CBLB: variants seen among roughly 807,000 people sequenced by gnomAD.
The protein encoded by CBLB is Cbl proto-oncogene B.
Under a neutral mutation model 104.9 loss-of-function variants are expected in CBLB, and 31 were observed. The ratio of observed to expected loss-of-function variants is 0.30; its 90% CI spans 0.22 to 0.40. The LOEUF is 0.40. Among genes scored for constraint, CBLB ranks in the 10% least tolerant of loss-of-function variants. The probability of loss-of-function intolerance (pLI) is 1.00; values close to 1 mark genes in which losing one functional copy is unlikely to be tolerated. For synonymous variants in CBLB, 440 were observed against 422.6 expected (o/e 1.04, Z -0.51); for missense variants, 1,062 against 1,214.6 (o/e 0.87, Z 1.87).
At chr3:105,775,624 TACTGGGGAAACC>T (rs2152961682) in intron 4 of CBLB, among the ~76,000 whole-genome samples, 1 of 152,342 alleles carries the variant, frequency 6.6e-6, no homozygotes, top group African/African-American at 2.4e-5. Flanking sequence ...CTTAAAAGGT[TACTGGGGAAACC>T]ACTTGCCTCC....
intron 5 of CBLB, among the ~76,000 whole-genome samples, chr3:105,748,881 C>G (rs1285343806): frequency 6.6e-6 from 1 of 152,174 alleles, no homozygotes; most frequent in Admixed American, 6.5e-5. Context: ...TCTAAGTGTA[C>G]CTTGCTCACC....
At chr3:105,835,281 A>G (rs1197057019) in intron 3 of CBLB, among the ~76,000 whole-genome samples, 2 of 152,198 alleles carry the variant, frequency 1.3e-5, no homozygotes. Context: ...TTTCTCAGAA[A>G]TCTTTTTGTG....
chr3:105,841,681 C>A (rs2153097773), intron 3 of CBLB, among the ~76,000 whole-genome samples: 1 of 151,984 alleles, frequency 6.6e-6, no homozygotes, highest in South Asian at 2.1e-4. Flanking sequence ...TCTCGATCTC[C>A]TGACCTCATG....
At chr3:105,820,833 A>G (rs1268702252) in intron 3 of CBLB, among the ~76,000 whole-genome samples, 1 of 152,146 alleles carries the variant, frequency 6.6e-6, no homozygotes, top group East Asian at 1.9e-4. Context: ...TTTTGCTTAA[A>G]AAGTCCTAGG....
At chr3:105,847,035 G>C (rs1269178378) in intron 3 of CBLB, among the ~76,000 whole-genome samples, 2 of 152,096 alleles carry the variant, frequency 1.3e-5, no homozygotes, top group African/African-American at 4.8e-5. Context: ...AAGTAGGTTT[G>C]TTTGCAGCTT....
At chr3:105,769,820 G>C (rs112090456) in intron 4 of CBLB, among the ~76,000 whole-genome samples, 1 of 152,142 alleles carries the variant, frequency 6.6e-6, no homozygotes, top group Non-Finnish European at 1.5e-5. Flanking sequence ...CACTTCAAGC[G>C]AAAGACTGGA....
chr3:105,693,611 G>A, intron 12 of CBLB, 23 bp from the exon 13 acceptor site: 1 of 1,535,436 alleles, frequency 6.5e-7, no homozygotes, highest in South Asian at 1.1e-5. Context: ...CAAATTGTTA[G>A]TTTCCAAGAA....
chr3:105,770,076 ATTTT>A (rs1298659028), intron 4 of CBLB, among the ~76,000 whole-genome samples: 1 of 150,512 alleles, frequency 6.6e-6, no homozygotes, highest in Non-Finnish European at 1.5e-5. Flanking sequence ...CTCAATGCTA[ATTTT>A]TGTTTTTTTT....
intron 6 of CBLB, among the ~76,000 whole-genome samples, chr3:105,744,062 T>C (rs1363629626): frequency 6.6e-6 from 1 of 152,186 alleles, no homozygotes; most frequent in East Asian, 1.9e-4. Context: ...GTGGGTCTTA[T>C]GATATTCTTA....
chr3:105,681,609 T>A lies in CBLB; in HGVS notation c.2298A>T (p.Gly766=). The stretch of plus-strand genomic sequence containing the variant: ...GATCAGAGGCTGAATCAAAAACATC[T>A]CCTAGAGGATAACACAAAACCTTAA... The part of the protein sequence containing the change: ...NIPDLSIYLK[G]DVFDSASDPV... The change falls in exon 16 of 19, where the codon GGA becomes GGT. Residue 766 remains glycine, a splice_region_variant and synonymous_variant. Transcript: ENST00000394030. 1 of 1,614,124 alleles carries A rather than the reference T, an allele frequency of 6.2e-7. No homozygotes were observed. Among genetic ancestry groups the A allele is most frequent in the Non-Finnish European group, 8.5e-7 (1 of 1,179,992 alleles).
At chr3:105,749,097 T>A (rs962299638) in intron 5 of CBLB, among the ~76,000 whole-genome samples, 1 of 152,220 alleles carries the variant, frequency 6.6e-6, no homozygotes, top group Non-Finnish European at 1.5e-5. Context: ...TTTAAAGTTT[T>A]ATAAAAATAA....
intron 9 of CBLB, among the ~76,000 whole-genome samples, chr3:105,725,282 A>G (rs1191980277): frequency 6.6e-6 from 1 of 152,166 alleles, no homozygotes; most frequent in Admixed American, 6.5e-5. Context: ...TGTTGCTTGA[A>G]TCCAATTTAA....
rs955651748 is a variant in CBLB, at chr3:105,844,183, A to G, written c.419+9231T>C. Among the ~76,000 whole-genome samples the G allele has an allele frequency of 3.7e-4, 56 of 152,304 alleles. 1 individual carries two copies. The highest frequency in any genetic ancestry group is 2.0e-3 in the Admixed American group (30 of 15,298). On this transcript the variant is annotated intron_variant, in intron 3 of 18. Coordinates refer to ENST00000394030, the MANE Select transcript of CBLB (RefSeq NM_170662.5). ...CTGGAGCTACCAGAAACTGAGACAG[A>G]CAAAGAAATTACCTATTCTAGAGGG... is the stretch of plus-strand genomic sequence containing the variant.
At chr3:105,837,249 T>C (rs1409741478) in intron 3 of CBLB, among the ~76,000 whole-genome samples, 1 of 152,214 alleles carries the variant, frequency 6.6e-6, no homozygotes, top group Non-Finnish European at 1.5e-5. Flanking sequence ...AACCATCTGC[T>C]GCACAGCAAG....
In CBLB at chr3:105,702,127, G is replaced by C; in HGVS notation, c.1926C>G (p.His642Gln). The C allele has an allele frequency of 6.2e-7, 1 of 1,614,138 alleles. No individual in the cohort carries two copies. The highest frequency in any genetic ancestry group is 8.5e-7 in the Non-Finnish European group (1 of 1,180,004). The change falls in exon 12 of 19, where the codon CAC becomes CAG. Residue 642 changes from histidine (H) to glutamine (Q), a missense_variant. Around this residue, in one of 2 missense-constraint regions of CBLB, gnomAD observed 605 missense variants for 582.6 expected, o/e 1.04. Transcript: ENST00000394030. ...CTTCTAAAGGCAAATCATGGCGTCT[G>C]TGTTTCCGCATAAGCACTGGGTCAG... is the stretch of plus-strand genomic sequence containing the variant. ...VGSDPVLMRK[H>Q]RRHDLPLEGA...
At chr3:105,746,263 A>C (rs1220909373) in intron 5 of CBLB, among the ~76,000 whole-genome samples, 1 of 152,234 alleles carries the variant, frequency 6.6e-6, no homozygotes, top group Non-Finnish European at 1.5e-5. Flanking sequence ...CAGGAAGAGA[A>C]TACAGAGAAC....
chr3:105,858,682 T>G (rs562630400), intron 2 of CBLB, among the ~76,000 whole-genome samples: 1 of 152,316 alleles, frequency 6.6e-6, no homozygotes, highest in South Asian at 2.1e-4. Flanking sequence ...AAAATTCCAC[T>G]ATAGCCATTG....
chr3:105,743,067 G>T (rs1026188513), intron 6 of CBLB, among the ~76,000 whole-genome samples: 3 of 152,054 alleles, frequency 2.0e-5, no homozygotes, highest in Non-Finnish European at 4.4e-5. Flanking sequence ...CATTTAATTT[G>T]CTGCTGACCC....
At chr3:105,670,121 T>C (rs775054588) in intron 18 of CBLB, 112 bp downstream of exon 18, 99 of 964,974 alleles carry the variant, frequency 1.0e-4, no homozygotes, top group Non-Finnish European at 1.4e-4. Flanking sequence ...CAAAATACTT[T>C]CTTGGGTGGA....
Sources: allele counts gnomAD v4.1 joint callset (sites outside exome capture counted in the v4.1 genomes callset), GRCh38; gene constraint gnomAD v4.1.1; regional missense constraint gnomAD v4.1.1; transcripts MANE v1.5; gene names NCBI Gene and HGNC (gene_info 2026-07-23, HGNC 2026-07-21).